HSD17B6: variants seen among roughly 807,000 people sequenced by gnomAD.
HSD17B6 encodes 17-beta-hydroxysteroid dehydrogenase type 6.
A neutral mutation model predicts 26.4 loss-of-function variants in HSD17B6; 16 were observed. That is an observed-to-expected ratio of 0.61 (90% confidence interval 0.41 to 0.92). The LOEUF is 0.92. HSD17B6 is among the 40% of genes least tolerant of loss of function. The pLI is 0.00. For synonymous variants in HSD17B6, 139 were observed against 153.0 expected, an observed-to-expected ratio of 0.91 and a Z score of 0.68; for missense variants, 357 against 386.1, an observed-to-expected ratio of 0.92 and a Z score of 0.63.
chr12:56,767,644 A>G (rs977067697), intron 1 of HSD17B6, among the ~76,000 whole-genome samples: 4 of 143,768 alleles, frequency 2.8e-5, no homozygotes, highest in African/African-American at 7.7e-5. Flanking sequence ...ATATTAATAT[A>G]TTATATATAT....
chr12:56,776,830 CT>C (rs1429281572), intron 2 of HSD17B6, among the ~76,000 whole-genome samples: 1 of 152,124 alleles, frequency 6.6e-6, no homozygotes, highest in Non-Finnish European at 1.5e-5. Context: ...CAGCTCATTT[CT>C]TTTTCTCGCT....
chr12:56,768,580 A>G (rs1954396586), intron 1 of HSD17B6, among the ~76,000 whole-genome samples: 1 of 152,116 alleles, frequency 6.6e-6, no homozygotes, highest in South Asian at 2.1e-4. Context: ...TAGAGTGTCC[A>G]GGTTGAGCAG....
intron 2 of HSD17B6, among the ~76,000 whole-genome samples, chr12:56,774,712 C>T (rs1246794808): frequency 6.6e-6 from 1 of 152,222 alleles, no homozygotes; most frequent in Admixed American, 6.5e-5. Context: ...GCATTAGATT[C>T]TCAACAGGAG....
intron 1 of HSD17B6, among the ~76,000 whole-genome samples, chr12:56,772,380 T>A (rs917122990): frequency 6.6e-6 from 1 of 152,118 alleles, no homozygotes; most frequent in African/African-American, 2.4e-5. Flanking sequence ...ATGAAAGTGA[T>A]GATTAGGCTG....
intron 3 of HSD17B6, among the ~76,000 whole-genome samples, chr12:56,783,693 A>C (rs1954796243): frequency 2.9e-5 from 3 of 103,042 alleles, no homozygotes; most frequent in Non-Finnish European, 3.9e-5. Flanking sequence ...CGGGGGGCTG[A>C]CCCCCCTCAC....
At chr12:56,782,299 C>T (rs1032775460) in intron 3 of HSD17B6, 67 bp downstream of exon 3, 225 of 1,446,556 alleles carry the variant, frequency 1.6e-4, no homozygotes, top group Non-Finnish European at 2.0e-4. Context: ...GTGCTAGTTG[C>T]TTTCGCCTAT....
At position 56,770,053 on chromosome 12, in the gene HSD17B6, A is replaced by G. The variant is rs531740823; in HGVS notation, c.-19-3781A>G. On this transcript the variant is annotated intron_variant, in intron 1 of 4. Transcript: ENST00000322165. The stretch of plus-strand genomic sequence containing the variant: ...TCTGTGTTACTGTAGTGCACCAGGG[A>G]ATGCCACTTAGGCAGAACAGAGGCA... 6.8e-4 allele frequency among the ~76,000 whole-genome samples: 103 copies of G among 152,290 alleles called. 1 individual carries two copies. Among genetic ancestry groups the G allele is most frequent in the Middle Eastern group, 3.4e-3 (1 of 294 alleles).
rs756173583 is a variant in HSD17B6 at position 56,787,336 on chromosome 12, A to G, written c.948A>G (p.Ala316=). 1 of 1,610,586 alleles carries G rather than the reference A, an allele frequency of 6.2e-7. No homozygotes were observed. Among genetic ancestry groups the G allele is most frequent in the African/African-American group, 1.3e-5 (1 of 74,968 alleles). ...LTRSWPKPAQ[A]V ...GATCTTGGCCCAAACCAGCCCAGGCAGTCTAAAGAAAACTGGGTTGGTGCT... is the reference window on the plus strand; with the variant it reads ...GATCTTGGCCCAAACCAGCCCAGGCGGTCTAAAGAAAACTGGGTTGGTGCT... The change falls in exon 5 of 5, where the codon GCA becomes GCG. Residue 316 remains alanine, a synonymous_variant. Transcript: ENST00000322165.
At chr12:56,769,103 G>GT (rs35174136) in intron 1 of HSD17B6, among the ~76,000 whole-genome samples, 72,950 of 130,042 alleles carry the variant, frequency 0.56, 21,515 homozygotes, top group South Asian at 0.73. Flanking sequence ...GCTTTTCAAG[G>GT]TTTTTTTTTT....
At chr12:56,776,236 T>C (rs971466834) in intron 2 of HSD17B6, among the ~76,000 whole-genome samples, 1 of 152,038 alleles carries the variant, frequency 6.6e-6, no homozygotes, top group Non-Finnish European at 1.5e-5. Flanking sequence ...GGAATAATGT[T>C]ATATGTAGTC....
intron 3 of HSD17B6, 119 bp downstream of exon 3, chr12:56,782,351 T>C: frequency 1.0e-6 from 1 of 958,166 alleles, no homozygotes; most frequent in South Asian, 1.7e-5. Flanking sequence ...TAGATATTAT[T>C]ACTAGTCTAT....
At chr12:56,776,504 C>T (rs1031857930) in intron 2 of HSD17B6, among the ~76,000 whole-genome samples, 1 of 151,856 alleles carries the variant, frequency 6.6e-6, no homozygotes, top group Non-Finnish European at 1.5e-5. Context: ...GACGTCATCT[C>T]ACCATGTCAC....
intron 1 of HSD17B6, among the ~76,000 whole-genome samples, chr12:56,766,359 A>G (rs1339636535): frequency 6.6e-6 from 1 of 152,140 alleles, no homozygotes; most frequent in African/African-American, 2.4e-5. Flanking sequence ...TGGTATCTCC[A>G]TTTATTAGTG....
chr12:56,781,899 C>T (rs987984178), intron 2 of HSD17B6, 75 bp from the exon 3 acceptor site: 3 of 1,487,228 alleles, frequency 2.0e-6, no homozygotes, highest in Non-Finnish European at 2.8e-6. Flanking sequence ...AAGAGTGATT[C>T]TTTCCCCACC....
intron 1 of HSD17B6, among the ~76,000 whole-genome samples, chr12:56,772,723 A>G (rs1331738161): frequency 6.6e-6 from 1 of 151,592 alleles, no homozygotes; most frequent in Non-Finnish European, 1.5e-5. Flanking sequence ...AGAAAAAAAA[A>G]AGAGTGTTAT....
Position 56,784,986 on chromosome 12 carries a change from G to A in HSD17B6, c.706G>A (p.Glu236Lys). 1.2e-6 allele frequency: 2 copies of A among 1,613,976 alleles called. No individual in the cohort carries two copies. Among genetic ancestry groups the A allele is most frequent in the Non-Finnish European group, 1.7e-6 (2 of 1,179,984 alleles). ...SWKEAPKHIK[E>K]TYGQQYFDAL... Reference sequence around the variant, plus strand: ...GAAAGAAGCCCCCAAGCATATTAAGGAGACCTATGGACAGCAGTATTTTGA... The same window carrying A: ...GAAAGAAGCCCCCAAGCATATTAAGAAGACCTATGGACAGCAGTATTTTGA... The change falls in exon 4 of 5, where the codon GAG (glutamate) becomes AAG (lysine). Residue 236 changes from glutamate (E) to lysine (K), a missense_variant. By Grantham distance (56) the Glu-to-Lys change is moderately conservative. Coordinates refer to ENST00000322165, the MANE Select transcript of HSD17B6 (RefSeq NM_003725.4).
At chr12:56,786,464 G>T (rs922859877) in intron 4 of HSD17B6, among the ~76,000 whole-genome samples, 4 of 152,086 alleles carry the variant, frequency 2.6e-5, no homozygotes, top group African/African-American at 9.7e-5. Flanking sequence ...TGGCCATGCC[G>T]GTCTCGAACT....
At position 56,773,908 on chromosome 12, in the gene HSD17B6, G is replaced by A. The variant is rs1439840033; in HGVS notation, c.56G>A (p.Arg19Gln). The change falls in exon 2 of 5, where the codon CGG becomes CAG. Residue 19 changes from arginine (R) to glutamine (Q), a missense_variant. By Grantham distance (43) the Arg-to-Gln change is conservative. Transcript: ENST00000322165. ...VGLYYLLHWY[R>Q]ERQVVSHLQD... ...CTGTACTACCTTCTGCACTGGTACC[G>A]GGAGAGGCAGGTGGTGAGCCACCTC... is the stretch of plus-strand genomic sequence containing the variant. 1.7e-5 allele frequency: 27 copies of A among 1,612,286 alleles called. No individual in the cohort carries two copies. The highest frequency in any genetic ancestry group is 2.0e-5 in the Non-Finnish European group (24 of 1,178,908).
At chr12:56,772,714 G>GTCT (rs1954505027) in intron 1 of HSD17B6, among the ~76,000 whole-genome samples, 3 of 137,892 alleles carry the variant, frequency 2.2e-5, no homozygotes. Flanking sequence ...AAAAAAAAAA[G>GTCT]AAAAAAAAAA....
Sources: gnomAD v4.1 joint callset for allele counts (sites outside exome capture counted in the v4.1 genomes callset) on GRCh38, gnomAD v4.1.1 for gene constraint, MANE v1.5 for transcripts, NCBI Gene and HGNC (gene_info 2026-07-23, HGNC 2026-07-21) for gene names.